DHX9: variants seen among roughly 807,000 people sequenced by gnomAD.
The protein encoded by DHX9 is ATP-dependent RNA helicase A.
DHX9 carries 27 observed loss-of-function variants against 148.7 expected under a neutral mutation model. That is an observed-to-expected ratio of 0.18 (90% CI 0.13 to 0.25). The LOEUF (loss-of-function observed/expected upper bound fraction) is 0.25. DHX9 is among the 10% of genes least tolerant of loss of function. The pLI is 1.00. For synonymous variants in DHX9, 529 were observed against 516.6 expected (o/e 1.02, Z -0.33); for missense variants, 796 against 1,559.6 (o/e 0.51, Z 8.25).
intron 4 of DHX9, 40 bp downstream of exon 4, chr1:182,852,384 T>G: frequency 1.4e-6 from 2 of 1,391,286 alleles, no homozygotes; most frequent in Non-Finnish European, 2.0e-6. Flanking sequence ...GAGAATAAGA[T>G]ATACACAATC....
At position 182,860,002 on chromosome 1, in the gene DHX9, G is replaced by C; in HGVS notation, c.1150G>C (p.Glu384Gln). The change falls in exon 12 of 28, where the codon GAG becomes CAG. Residue 384 changes from glutamate to glutamine, a missense_variant. Coordinates refer to ENST00000367549, the MANE Select transcript of DHX9 (RefSeq NM_001357.5). ...QDHDLQAILQ[E>Q]RELLPVKKFE... is the part of the protein sequence containing the mutation. The stretch of plus-strand genomic sequence containing the variant: ...GACTTTTCTAATGCAGATCTTGCAG[G>C]AGAGAGAGTTACTGCCTGTGAAGAA... 1.2e-6 allele frequency: 2 copies of C among 1,611,076 alleles called. No individual in the cohort carries two copies. The highest frequency in any genetic ancestry group is 1.7e-6 in the Non-Finnish European group (2 of 1,178,568).
intron 14 of DHX9, among the ~76,000 whole-genome samples, chr1:182,871,294 G>A (rs192936839): frequency 5.3e-5 from 8 of 152,218 alleles, no homozygotes; most frequent in African/African-American, 1.7e-4. Flanking sequence ...CAATCTCATT[G>A]GGACTAATAG....
At chr1:182,842,929 G>T (rs1011624675) in intron 2 of DHX9, among the ~76,000 whole-genome samples, 1 of 152,208 alleles carries the variant, frequency 6.6e-6, no homozygotes, top group African/African-American at 2.4e-5. Context: ...GATGGGAAAA[G>T]TTGGATCAAC....
chr1:182,853,944 G>A, intron 5 of DHX9, 86 bp from the exon 6 acceptor site: 1 of 1,263,284 alleles, frequency 7.9e-7, no homozygotes, highest in Non-Finnish European at 1.1e-6. Context: ...ATAAAGGATA[G>A]TACAAAGACA....
chr1:182,856,348 ATGT>A (rs1668251058), intron 6 of DHX9, among the ~76,000 whole-genome samples, 181 bp from the exon 7 acceptor site: 1 of 152,208 alleles, frequency 6.6e-6, no homozygotes, highest in Non-Finnish European at 1.5e-5. Flanking sequence ...GTCTTATGCC[ATGT>A]TGTATATTAT....
intron 26 of DHX9, 113 bp downstream of exon 26, chr1:182,883,748 A>G (rs534991678): frequency 1.6e-6 from 1 of 610,912 alleles, no homozygotes; most frequent in South Asian, 3.0e-5. Flanking sequence ...TTAATTATAT[A>G]CTATATACTT....
intron 6 of DHX9, among the ~76,000 whole-genome samples, chr1:182,855,241 C>T (rs1344869158): frequency 2.0e-5 from 3 of 152,240 alleles, no homozygotes; most frequent in Admixed American, 1.3e-4. Flanking sequence ...TCTTTCTGAA[C>T]GCATTGGGCT....
At chr1:182,867,789 A>G (rs553851812) in intron 14 of DHX9, among the ~76,000 whole-genome samples, 1 of 152,342 alleles carries the variant, frequency 6.6e-6, no homozygotes, top group East Asian at 1.9e-4. Flanking sequence ...AAAATTAGGA[A>G]GAAACTAGAA....
intron 3 of DHX9, among the ~76,000 whole-genome samples, chr1:182,849,992 C>CCT (rs1491331436): frequency 7.4e-4 from 79 of 107,066 alleles, no homozygotes; most frequent in Admixed American, 1.7e-3. Flanking sequence ...ACCCCCCCCC[C>CCT]TTTTTTTTTT....
chr1:182,842,162 C>G (rs1667944180), intron 1 of DHX9, among the ~76,000 whole-genome samples: 1 of 152,036 alleles, frequency 6.6e-6, no homozygotes, highest in Non-Finnish European at 1.5e-5. Context: ...TAGTACCCAC[C>G]ATATCTGTGT....
At chr1:182,887,001 ATAAC>A in intron 27 of DHX9, 78 bp from the exon 28 acceptor site, 1 of 1,287,738 alleles carries the variant, frequency 7.8e-7, no homozygotes, top group Non-Finnish European at 1.1e-6. Flanking sequence ...ATTTTCAAAT[ATAAC>A]TAAATGTGTA....
chr1:182,866,878 C>G (rs181619480), intron 13 of DHX9, 83 bp from the exon 14 acceptor site: 4 of 1,034,212 alleles, frequency 3.9e-6, no homozygotes, highest in African/African-American at 3.3e-5. Flanking sequence ...ATGCTGGGGT[C>G]TCTTAGTTGA....
At chr1:182,869,488 GGTCTGGTCTT>G (rs942803477) in intron 14 of DHX9, among the ~76,000 whole-genome samples, 1 of 151,888 alleles carries the variant, frequency 6.6e-6, no homozygotes, top group Non-Finnish European at 1.5e-5. Context: ...GCTGCGGTTT[GGTCTGGTCTT>G]GTCTGGTCCT....
Position 182,853,425 on chromosome 1 carries a change from C to T in DHX9, c.477+7C>T. The stretch of plus-strand genomic sequence containing the variant: ...AGAACAAGAAGTGCAAGCGGTAAGG[C>T]CAGCACCGTAGGTTACATCTCTGAG... On this transcript the variant is annotated splice_region_variant and intron_variant, in intron 5 of 27. Transcript: ENST00000367549. 1 of 1,599,136 alleles carries T rather than the reference C, an allele frequency of 6.3e-7. No homozygotes were observed. The highest frequency in any genetic ancestry group is 8.6e-7 in the Non-Finnish European group (1 of 1,168,084).
intron 3 of DHX9, among the ~76,000 whole-genome samples, chr1:182,844,806 G>A (rs868496362): frequency 2.6e-5 from 4 of 151,632 alleles, no homozygotes; most frequent in Admixed American, 6.6e-5. Context: ...TGGGAGCTAC[G>A]GCGCCTGGCC....
intron 14 of DHX9, among the ~76,000 whole-genome samples, chr1:182,867,507 AT>A (rs970989544): frequency 6.6e-6 from 1 of 152,112 alleles, no homozygotes; most frequent in Non-Finnish European, 1.5e-5. Flanking sequence ...CTTTCAAGCA[AT>A]TCTCCTGCCT....
At chr1:182,846,103 T>TCCC (rs1668024103) in intron 3 of DHX9, among the ~76,000 whole-genome samples, 1 of 151,916 alleles carries the variant, frequency 6.6e-6, no homozygotes, top group Non-Finnish European at 1.5e-5. Context: ...CTGGTGACCA[T>TCCC]CCCCCCACAC....
chr1:182,869,409 G>A (rs1571313951), intron 14 of DHX9, among the ~76,000 whole-genome samples: 1 of 152,206 alleles, frequency 6.6e-6, no homozygotes, highest in East Asian at 1.9e-4. Flanking sequence ...GGCCAGTCCT[G>A]ACCAGTCTTA....
chr1:182,840,333 C>T (rs1405939584), intron 1 of DHX9, among the ~76,000 whole-genome samples: 1 of 139,808 alleles, frequency 7.2e-6, no homozygotes, highest in Non-Finnish European at 1.5e-5. Flanking sequence ...AAGAGTCTCG[C>T]TCTGTCGCCA....
Sources: gnomAD v4.1 joint callset for allele counts (sites outside exome capture counted in the v4.1 genomes callset) on GRCh38, gnomAD v4.1.1 for gene constraint, MANE v1.5 for transcripts, NCBI Gene and HGNC (gene_info 2026-07-23, HGNC 2026-07-21) for gene names.